The following ADGRG2 variants were observed in gnomAD, a reference collection of about 807,000 sequenced individuals.
ADGRG2 encodes G protein-coupled receptor 64.
Under a neutral mutation model 74.1 loss-of-function variants are expected in ADGRG2, and 26 were observed. The observed-to-expected ratio is 0.35, with a 90% CI of 0.26 to 0.49. The LOEUF (loss-of-function observed/expected upper bound fraction) is 0.49. Among genes scored for constraint, ADGRG2 ranks in the 20% least tolerant of loss-of-function variants. The pLI, the probability that ADGRG2 is intolerant of heterozygous loss-of-function variation, is 0.99. For synonymous variants in ADGRG2, 296 were observed against 295.2 expected (o/e 1.00, Z -0.03); for missense variants, 619 against 763.1 (o/e 0.81, Z 2.22).
Position 19,006,066 on chromosome X carries a change from T to G in ADGRG2, c.1775A>C (p.Lys592Thr), listed in dbSNP as rs1451093971. The change falls in exon 22 of 29, where the codon AAA becomes ACA. Residue 592 changes from lysine to threonine, a missense_variant. By Grantham distance (78) the Lys-to-Thr change is moderately conservative (BLOSUM62 -1). Around this residue, in one of 3 missense-constraint regions of ADGRG2, gnomAD observed 221 missense variants for 340.6 expected, o/e 0.65. Coordinates refer to ENST00000379869, the MANE Select transcript of ADGRG2 (RefSeq NM_001079858.3). Reference protein sequence around the residue: ...GGWSDNGCSVKDRRLNETICT... With the variant: ...GGWSDNGCSVTDRRLNETICT... ...GATGGTTTCATTCAATCTCCTGTCTTTGACAGAGCAGCCATTGTCTGACCA... is the reference window on the plus strand; with the variant it reads ...GATGGTTTCATTCAATCTCCTGTCTGTGACAGAGCAGCCATTGTCTGACCA... 3 of 1,209,213 alleles carry G rather than the reference T, an allele frequency of 2.5e-6. No individual in the cohort carries two copies. Among genetic ancestry groups the G allele is most frequent in the Non-Finnish European group, 2.2e-6 (2 of 893,285 alleles).
At chrX:19,050,614 G>T (rs182547662) in intron 3 of ADGRG2, among the ~76,000 whole-genome samples, 12 of 111,913 alleles carry the variant, frequency 1.1e-4, no homozygotes, top group African/African-American at 3.9e-4. Flanking sequence ...GTAGTCAGTC[G>T]TGGTGGCTAG....
rs773934087 is a variant in ADGRG2 at position 19,043,960 on chromosome X, G to A, written c.119-3736C>T. On this transcript the variant is annotated intron_variant, in intron 3 of 28. Coordinates refer to ENST00000379869, the MANE Select transcript of ADGRG2 (RefSeq NM_001079858.3). ...CTCAAAAGTATTGCCAGTAACACCCGCCAAACATTTAAGTTGAAAACTTCA... is the reference window on the plus strand; with the variant it reads ...CTCAAAAGTATTGCCAGTAACACCCACCAAACATTTAAGTTGAAAACTTCA... Among the ~76,000 whole-genome samples, 5 of 110,962 alleles carry A rather than the reference G, an allele frequency of 4.5e-5. No homozygotes were observed. In the South Asian group the frequency reaches 1.5e-3, roughly 34 times the overall value.
chrX:19,091,492 TCACACACACACACA>T (rs57540002), intron 1 of ADGRG2, among the ~76,000 whole-genome samples: 12 of 82,634 alleles, frequency 1.5e-4, no homozygotes, highest in East Asian at 8.1e-4. Flanking sequence ...AGATTTTATG[TCACACACACACACA>T]CACACACACA....
At chrX:19,110,233 C>G (rs917103814) in intron 1 of ADGRG2, among the ~76,000 whole-genome samples, 18 of 111,148 alleles carry the variant, frequency 1.6e-4, no homozygotes, top group Non-Finnish European at 1.5e-4. Flanking sequence ...AATAAATGTA[C>G]AAATCAACAA....
chrX:19,097,731 G>A (rs774857229), intron 1 of ADGRG2, among the ~76,000 whole-genome samples: 182 of 111,387 alleles, frequency 1.6e-3, no homozygotes, highest in African/African-American at 5.6e-3. Flanking sequence ...ACTGCATCGA[G>A]GGTGAGCGTA....
intron 1 of ADGRG2, among the ~76,000 whole-genome samples, chrX:19,109,750 G>C (rs777027856): frequency 9.8e-5 from 11 of 111,937 alleles, no homozygotes; most frequent in Admixed American, 7.6e-4. Context: ...TTACACGACA[G>C]AATCCCAAGA....
At chrX:19,023,526 C>A in intron 12 of ADGRG2, 73 bp from the exon 13 acceptor site, 1 of 595,236 alleles carries the variant, frequency 1.7e-6, no homozygotes, top group South Asian at 2.9e-5. Context: ...AAAAGAAGAC[C>A]TAAGGCTAAT....
At chrX:19,059,897 C>T (rs1315099556) in intron 3 of ADGRG2, among the ~76,000 whole-genome samples, 3 of 110,970 alleles carry the variant, frequency 2.7e-5, no homozygotes, top group East Asian at 2.9e-4. Context: ...TTTGGGAGGC[C>T]GAGGTAGGTG....
In ADGRG2 at chrX:19,116,340, G is replaced by A. The variant is rs112576574; in HGVS notation, c.-47+6102C>T. On this transcript the variant is annotated intron_variant, in intron 1 of 28. Transcript: ENST00000379869. ...AGCCTGATCAATATGGTAAAACCCC[G>A]ACTCTACTAAAAATATAAAAATTAG... 6.4e-3 allele frequency among the ~76,000 whole-genome samples: 686 copies of A among 107,441 alleles called. 2 individuals are homozygous for A. Among genetic ancestry groups the A allele is most frequent in the African/African-American group, 0.022 (646 of 29,373 alleles). 93.3% of individuals were successfully genotyped at this position (107,441 alleles called of 115,157 possible).
intron 1 of ADGRG2, among the ~76,000 whole-genome samples, chrX:19,117,943 GAA>G (rs369024078): frequency 5.1e-5 from 5 of 97,870 alleles, no homozygotes; most frequent in Admixed American, 1.1e-4. Flanking sequence ...CTTTCAATGG[GAA>G]AAAAAAAAAA....
intron 3 of ADGRG2, among the ~76,000 whole-genome samples, 164 bp downstream of exon 3, chrX:19,068,553 C>T (rs1044672641): frequency 6.3e-5 from 7 of 110,282 alleles, no homozygotes; most frequent in African/African-American, 2.3e-4. Context: ...GACAGTTACA[C>T]AAAATTGTGA....
intron 2 of ADGRG2, among the ~76,000 whole-genome samples, chrX:19,082,127 A>T (rs769921421): frequency 9.1e-6 from 1 of 110,092 alleles, no homozygotes; most frequent in East Asian, 2.8e-4. Context: ...AAAGAAAAGA[A>T]AAAAGAAAGA....
At position 18,992,469 on chromosome X, in the gene ADGRG2, T is replaced by A. The variant is rs776827541; in HGVS notation, c.2870-1421A>T. On this transcript the variant is annotated intron_variant, in intron 28 of 28. Transcript: ENST00000379869. Reference sequence around the variant, plus strand: ...CACGTCTGGTTGATTTTCACATTTTTTATTAGAGATGGAGTTTTTCCATGT... The same window carrying A: ...CACGTCTGGTTGATTTTCACATTTTATATTAGAGATGGAGTTTTTCCATGT... Among the ~76,000 whole-genome samples, 4 of 111,660 alleles carry A rather than the reference T, an allele frequency of 3.6e-5. No individual in the cohort carries two copies. The East Asian group carries it at 1.1e-3, about 32-fold the overall frequency.
At chrX:19,019,970 T>A (rs1030304311) in intron 14 of ADGRG2, among the ~76,000 whole-genome samples, 1 of 111,563 alleles carries the variant, frequency 9.0e-6, no homozygotes, top group Non-Finnish European at 1.9e-5. Flanking sequence ...TTAAGTGAAA[T>A]AAGCCAGGCA....
At chrX:19,056,792 ATTTGGTAATC>A (rs1031920710) in intron 3 of ADGRG2, among the ~76,000 whole-genome samples, 4 of 111,198 alleles carry the variant, frequency 3.6e-5, no homozygotes, top group Non-Finnish European at 7.5e-5. Flanking sequence ...TGTAACTCTG[ATTTGGTAATC>A]TCCTACATAT....
chrX:19,096,329 T>C (rs1004509501), intron 1 of ADGRG2, among the ~76,000 whole-genome samples: 5 of 107,949 alleles, frequency 4.6e-5, no homozygotes, highest in Admixed American at 4.0e-4. Flanking sequence ...GGAGAATTGC[T>C]TGAACCCAGG....
At chrX:19,035,241 A>C (rs2060913796) in intron 7 of ADGRG2, 1 of 112,554 alleles carries the variant, frequency 8.9e-6, no homozygotes, top group African/African-American at 3.2e-5. Flanking sequence ...CAAGAGTCTT[A>C]CAATATTCAT....
Position 19,008,104 on chromosome X carries a change from G to C in ADGRG2, c.1442C>G (p.Ala481Gly). The C allele has an allele frequency of 5.9e-6, 7 of 1,185,371 alleles. No individual in the cohort carries two copies. Among genetic ancestry groups the C allele is most frequent in the Non-Finnish European group, 8.0e-6 (7 of 879,791 alleles). Residue 481 changes from alanine (A) to glycine (G), a missense_variant, in exon 19 of 29, where the codon GCT becomes GGT. This residue lies in a region of ADGRG2 where 221 missense variants were observed against 340.6 expected (regional missense o/e 0.65). Transcript: ENST00000379869. ...ANLQVSLETQAPENSIGTITL... is the reference protein window; with the variant it reads ...ANLQVSLETQGPENSIGTITL... ...AATTGTGCCAATACTGTTCTCAGGA[G>C]CTTGGGTTTCCAGAGAAACCTGAAA...
chrX:19,016,683 T>G (rs887625324), intron 15 of ADGRG2, among the ~76,000 whole-genome samples: 36 of 89,283 alleles, frequency 4.0e-4, no homozygotes, highest in African/African-American at 1.5e-3. Context: ...CTCCCAGTGC[T>G]ATCCCTCCCC....
Sources: gnomAD v4.1 joint callset for allele counts (sites outside exome capture counted in the v4.1 genomes callset) on GRCh38, gnomAD v4.1.1 for gene constraint, gnomAD v4.1.1 regional missense constraint, MANE v1.5 for transcripts, NCBI Gene and HGNC (gene_info 2026-07-23, HGNC 2026-07-21) for gene names.